CDC16: variants seen among roughly 807,000 people sequenced by gnomAD.
CDC16 encodes cell division cycle protein 16 homolog.
In CDC16, 34 loss-of-function variants were observed where a neutral mutation model predicts 87.0. The observed-to-expected ratio is 0.39, with a 90% confidence interval of 0.30 to 0.52. CDC16 has a LOEUF of 0.52. CDC16 is among the 20% of genes least tolerant of loss of function. The probability of loss-of-function intolerance (pLI) is 0.74; values close to 1 mark genes in which losing one functional copy is unlikely to be tolerated. For synonymous variants in CDC16, 263 were observed against 260.6 expected (o/e 1.01, Z -0.09); for missense variants, 653 against 751.9 (o/e 0.87, Z 1.54).
intron 9 of CDC16, 61 bp downstream of exon 9, chr13:114,245,030 T>G (rs1289085004): frequency 2.0e-6 from 2 of 997,046 alleles, no homozygotes; most frequent in Non-Finnish European, 3.0e-6. Context: ...TTCTGTAACT[T>G]GAAATTTTGT....
rs1272537563 is a variant in CDC16, at chr13:114,236,881, A to C, written c.186A>C (p.Ser62=). The C allele has an allele frequency of 7.5e-6, 12 of 1,590,484 alleles. No individual in the cohort carries two copies. Among genetic ancestry groups the C allele is most frequent in the Non-Finnish European group, 1.0e-5 (12 of 1,172,200 alleles). The change falls in exon 3 of 18, where the codon TCA becomes TCC. Residue 62 remains serine (S), a synonymous_variant. Transcript: ENST00000356221. ...QYHRAAHALR[S]RKLDKLYEAC... Reference sequence around the variant, plus strand: ...ACAGAGCCGCCCATGCACTTCGGTCACGAAAACTGGACAAAGTAAGTGATG... The same window carrying C: ...ACAGAGCCGCCCATGCACTTCGGTCCCGAAAACTGGACAAAGTAAGTGATG...
At chr13:114,257,980 T>A (rs1353810898) in intron 13 of CDC16, among the ~76,000 whole-genome samples, 4 of 152,040 alleles carry the variant, frequency 2.6e-5, no homozygotes, top group African/African-American at 9.7e-5. Context: ...AGAGACAGGG[T>A]TTCACCATGT....
At chr13:114,255,064 G>A (rs903178362) in intron 12 of CDC16, among the ~76,000 whole-genome samples, 1 of 152,098 alleles carries the variant, frequency 6.6e-6, no homozygotes, top group African/African-American at 2.4e-5. Flanking sequence ...CCTGCACTTC[G>A]AGTTCTTAGA....
At chr13:114,269,038 C>G (rs546258367) in intron 17 of CDC16, among the ~76,000 whole-genome samples, 98 of 151,952 alleles carry the variant, frequency 6.4e-4, no homozygotes, top group Non-Finnish European at 1.2e-3. Flanking sequence ...CTAACCACTC[C>G]AAAACCTCAA....
intron 5 of CDC16, among the ~76,000 whole-genome samples, chr13:114,241,186 A>G (rs1234757663): frequency 6.6e-6 from 1 of 152,242 alleles, no homozygotes; most frequent in East Asian, 1.9e-4. Flanking sequence ...TGCTAGCACC[A>G]CAGAGATGGT....
At position 114,272,658 on chromosome 13, in the gene CDC16, TA is replaced by T. The variant is rs1302124248; in HGVS notation, c.*218del. The T allele has an allele frequency of 7.1e-6, 3 of 424,838 alleles. No individual in the cohort carries two copies. The highest frequency in any genetic ancestry group is 1.2e-5 in the Non-Finnish European group (3 of 241,828). The allele number at this position is 424,838 out of a possible 1,614,324, so 26.3% of individuals were successfully genotyped here. A position where few individuals can be genotyped will look rare whatever the true frequency, so the allele number is the denominator to read the frequency against. On this transcript the variant is annotated 3_prime_UTR_variant, in exon 18 of 18. Transcript: ENST00000356221. Reference sequence around the variant, plus strand: ...TACAAAATAGTTATACATAGTGGAATAAAGAAGGTAAACCATCTGTTATGTC... The same window carrying T: ...TACAAAATAGTTATACATAGTGGAATAAGAAGGTAAACCATCTGTTATGTC...
Position 114,245,995 on chromosome 13 carries a change from A to C in CDC16, c.848-5A>C. Reference sequence around the variant, plus strand: ...ATTGTTCTTTTTCTGCTTTTTCCTGAACAGAACTTTTCTATCTTTCTCATA... The same window carrying C: ...ATTGTTCTTTTTCTGCTTTTTCCTGCACAGAACTTTTCTATCTTTCTCATA... On this transcript the variant is annotated splice_polypyrimidine_tract_variant and splice_region_variant and intron_variant, in intron 9 of 17. Transcript: ENST00000356221. 1.4e-6 allele frequency: 2 copies of C among 1,476,436 alleles called. No homozygotes were observed. The highest frequency in any genetic ancestry group is 1.9e-6 in the Non-Finnish European group (2 of 1,068,096). The allele number at this position is 1,476,436 out of a possible 1,614,324, so 91.5% of individuals were successfully genotyped here. A position where few individuals can be genotyped will look rare whatever the true frequency, so the allele number is the denominator to read the frequency against.
intron 17 of CDC16, among the ~76,000 whole-genome samples, chr13:114,270,887 C>A (rs1298154972): frequency 6.8e-6 from 1 of 146,878 alleles, no homozygotes; most frequent in Non-Finnish European, 1.5e-5. Flanking sequence ...AGAGGGATGT[C>A]TCCTTGACCT....
At chr13:114,244,644 TTAAAG>T (rs1243750455) in intron 8 of CDC16, 2 of 317,014 alleles carry the variant, frequency 6.3e-6, no homozygotes, top group African/African-American at 2.1e-5. Context: ...TTCTGTTGAC[TTAAAG>T]TAAATGTATG....
At chr13:114,258,887 C>T (rs2139088454) in intron 13 of CDC16, among the ~76,000 whole-genome samples, 1 of 151,986 alleles carries the variant, frequency 6.6e-6, no homozygotes, top group African/African-American at 2.4e-5. Context: ...TGCTTGAGGC[C>T]AGGAGTTTGA....
intron 17 of CDC16, among the ~76,000 whole-genome samples, chr13:114,269,773 C>G (rs887189379): frequency 1.3e-4 from 20 of 152,170 alleles, no homozygotes; most frequent in African/African-American, 4.3e-4. Flanking sequence ...GGCGCCATCT[C>G]GGCTTACTGC....
chr13:114,260,912 T>G lies in CDC16; in HGVS notation c.1315-975T>G, dbSNP rs531863432. Among the ~76,000 whole-genome samples the G allele has an allele frequency of 1.2e-3, 176 of 152,280 alleles. 1 individual carries two copies. Among genetic ancestry groups the G allele is most frequent in the African/African-American group, 4.1e-3 (170 of 41,558 alleles). ...AATGAGTGTCAGCCATGCCATAGGC[T>G]CTGAGCTAGGCCTTGGGATGCAAAG... On this transcript the variant is annotated intron_variant, in intron 14 of 17. Coordinates refer to ENST00000356221, the MANE Select transcript of CDC16 (RefSeq NM_001078645.3).
At chr13:114,269,048 A>G (rs1403148288) in intron 17 of CDC16, among the ~76,000 whole-genome samples, 2 of 151,580 alleles carry the variant, frequency 1.3e-5, no homozygotes, top group Non-Finnish European at 1.5e-5. Context: ...CAAAACCTCA[A>G]CCAACAACGT....
chr13:114,242,129 TTCTA>T lies in CDC16; in HGVS notation c.394_397del (p.Ile132ValfsTer11). The T allele has an allele frequency of 1.2e-6, 2 of 1,603,676 alleles. No homozygotes were observed. Among genetic ancestry groups the T allele is most frequent in the Non-Finnish European group, 1.7e-6 (2 of 1,177,124 alleles). ...CATCATTTTTCCAACAGATAAAGAG[TTCTA>T]TCTGTCTTCTACGCGGGAAAATCTA... On this transcript the variant is annotated frameshift_variant, in exon 6 of 18. Transcript: ENST00000356221. LOFTEE classifies it high-confidence loss of function.
chr13:114,264,756 T>TA (rs2083089180), intron 16 of CDC16: 1 of 175,842 alleles, frequency 5.7e-6, no homozygotes, highest in African/African-American at 2.4e-5. Flanking sequence ...AGGCACCTGC[T>TA]ACCATGCCTG....
intron 14 of CDC16, among the ~76,000 whole-genome samples, 177 bp downstream of exon 14, chr13:114,259,575 AG>A (rs1181594749): frequency 6.6e-6 from 1 of 152,202 alleles, no homozygotes; most frequent in Non-Finnish European, 1.5e-5. Context: ...GTAAGAAATG[AG>A]TTTTTTCCCT....
In CDC16 at chr13:114,272,574, C is replaced by T; in HGVS notation, c.*131C>T. Reference sequence around the variant, plus strand: ...CATCTCTACATTTAGGAACAGAGACCCGCCTTAAGAGACTGGATCGCACAC... The same window carrying T: ...CATCTCTACATTTAGGAACAGAGACTCGCCTTAAGAGACTGGATCGCACAC... On this transcript the variant is annotated 3_prime_UTR_variant, in exon 18 of 18. Coordinates refer to ENST00000356221, the MANE Select transcript of CDC16 (RefSeq NM_001078645.3). 1 of 722,432 alleles carries T rather than the reference C, an allele frequency of 1.4e-6. No individual in the cohort carries two copies. The highest frequency in any genetic ancestry group is 2.2e-6 in the Non-Finnish European group (1 of 447,610). The allele number at this position is 722,432 out of a possible 1,614,324, so 44.8% of individuals were successfully genotyped here.
At chr13:114,257,032 A>G (rs2082541132) in intron 12 of CDC16, 46 bp from the exon 13 acceptor site, 1 of 1,318,152 alleles carries the variant, frequency 7.6e-7, no homozygotes, top group East Asian at 2.4e-5. Flanking sequence ...TTTCTGCTAA[A>G]TCACAGTTTT....
chr13:114,259,094 T>TAAAAA (rs5807005), intron 13 of CDC16, among the ~76,000 whole-genome samples: 19 of 111,452 alleles, frequency 1.7e-4, no homozygotes, highest in African/African-American at 2.3e-4. Context: ...GTGAGACTCT[T>TAAAAA]AAAAAAAAAA....
Sources: allele counts gnomAD v4.1 joint callset (sites outside exome capture counted in the v4.1 genomes callset), GRCh38; gene constraint gnomAD v4.1.1; transcripts MANE v1.5; gene names NCBI Gene and HGNC (gene_info 2026-07-23, HGNC 2026-07-21).